Variants in ACTMAP observed in about 807,000 individuals in gnomAD.
The protein encoded by ACTMAP is UPF0692 protein C19orf54.
the ACTMAP span, chr19:40,743,933 G>A: frequency 2.5e-6 from 4 of 1,614,006 alleles, no homozygotes; most frequent in Non-Finnish European, 3.4e-6. Context: ...GTGCCTTGTG[G>A]CCCTTCCTCT....
chr19:40,740,960 A>G, the ACTMAP span: 5 of 398,608 alleles, frequency 1.3e-5, no homozygotes, highest in Non-Finnish European at 2.2e-5. Flanking sequence ...GCAGGCTCCA[A>G]GCAGGCTGGT....
the ACTMAP span, chr19:40,742,760 C>G: frequency 7.5e-6 from 12 of 1,607,478 alleles, no homozygotes; most frequent in African/African-American, 1.3e-5. Flanking sequence ...CCCGAACACC[C>G]AGCAGGACCC....
the ACTMAP span, among the ~76,000 whole-genome samples, chr19:40,743,433 A>G: frequency 6.6e-6 from 1 of 152,058 alleles, no homozygotes; most frequent in Non-Finnish European, 1.5e-5. Flanking sequence ...GGGTATCACC[A>G]TGTTGGCCAG....
At chr19:40,747,170 G>A in the ACTMAP span, among the ~76,000 whole-genome samples, 3,032 of 152,184 alleles carry the variant, frequency 0.02, 40 homozygotes, top group Non-Finnish European at 0.029. Context: ...TGTTGGGGGG[G>A]TGCGGACTCA....
At chr19:40,741,980 C>CT in the ACTMAP span, 1 of 442,640 alleles carries the variant, frequency 2.3e-6, no homozygotes. Flanking sequence ...CAGCAGAGGG[C>CT]TGGGGGTGGG....
chr19:40,746,410 T>TG, the ACTMAP span, among the ~76,000 whole-genome samples: 39 of 151,954 alleles, frequency 2.6e-4, no homozygotes, highest in African/African-American at 8.4e-4. Flanking sequence ...TTTTTGTTTT[T>TG]TTTTGAGACA....
the ACTMAP span, chr19:40,744,191 C>T: frequency 1.1e-5 from 17 of 1,578,154 alleles, no homozygotes; most frequent in African/African-American, 1.2e-4. Context: ...CTGCCCATAT[C>T]GGCCACTGCA....
At chr19:40,741,661 C>T in the ACTMAP span, 41 of 451,522 alleles carry the variant, frequency 9.1e-5, no homozygotes, top group South Asian at 6.1e-4. Flanking sequence ...GACAGCCTGG[C>T]TGAGATACTG....
At chr19:40,744,790 T>C in the ACTMAP span, 1 of 1,428,972 alleles carries the variant, frequency 7.0e-7, no homozygotes, top group East Asian at 2.5e-5. Context: ...CCCTCCCCTC[T>C]CCCAGGCCAG....
the ACTMAP span, chr19:40,744,849 T>G: frequency 8.6e-7 from 1 of 1,159,422 alleles, no homozygotes; most frequent in African/African-American, 1.6e-5. Flanking sequence ...GCTGGAGGGC[T>G]GGGGGTGGAA....
At chr19:40,742,840 C>G in the ACTMAP span, 8 of 1,418,594 alleles carry the variant, frequency 5.6e-6, no homozygotes, top group Admixed American at 1.5e-4. Context: ...TCACTAAGTT[C>G]CGCCCTCTCC....
the ACTMAP span, among the ~76,000 whole-genome samples, chr19:40,745,733 C>T: frequency 0.014 from 2,116 of 152,188 alleles, 39 homozygotes; most frequent in African/African-American, 0.048. Context: ...AGTGCAACAG[C>T]GCGATCTCAG....
At chr19:40,749,757 G>A in the ACTMAP span, 1 of 1,483,242 alleles carries the variant, frequency 6.7e-7, no homozygotes, top group Non-Finnish European at 8.9e-7. Context: ...AGGGGTTTTT[G>A]GAGGAGAAAT....
chr19:40,744,812 T>G, the ACTMAP span: 1 of 1,338,098 alleles, frequency 7.5e-7, no homozygotes, highest in Non-Finnish European at 9.9e-7. Context: ...GAGGGAGACC[T>G]GACTCCCCTT....
the ACTMAP span, chr19:40,745,251 A>C: frequency 2.0e-6 from 3 of 1,528,058 alleles, no homozygotes; most frequent in Non-Finnish European, 2.7e-6. Flanking sequence ...AGCACCCCCT[A>C]CCCTGAGGTC....
chr19:40,747,149 T>C, the ACTMAP span, among the ~76,000 whole-genome samples: 2 of 151,782 alleles, frequency 1.3e-5, no homozygotes, highest in African/African-American at 4.8e-5. Flanking sequence ...GAAGGCAAGG[T>C]TCGGTTTGGG....
At chr19:40,743,909 A>G in the ACTMAP span, 2 of 1,613,724 alleles carry the variant, frequency 1.2e-6, no homozygotes, top group South Asian at 1.1e-5. Flanking sequence ...ACCCACCTGC[A>G]CTCACCGCCC....
At chr19:40,743,263 T>C in the ACTMAP span, among the ~76,000 whole-genome samples, 1 of 150,234 alleles carries the variant, frequency 6.7e-6, no homozygotes, top group Non-Finnish European at 1.5e-5. Flanking sequence ...GATGGAGTCT[T>C]GCTCTGTCAC....
chr19:40,744,893 G>A, the ACTMAP span: 5 of 835,532 alleles, frequency 6.0e-6, no homozygotes, highest in African/African-American at 1.7e-5. Flanking sequence ...TTCCTGGGAG[G>A]AGGAACCAAG....
Sources: allele counts gnomAD v4.1 joint callset (sites outside exome capture counted in the v4.1 genomes callset), GRCh38; gene constraint gnomAD v4.1.1; transcripts MANE v1.5; gene names NCBI Gene and HGNC (gene_info 2026-07-23, HGNC 2026-07-21).